SYT14: variants seen among roughly 807,000 people sequenced by gnomAD.
SYT14 encodes the protein synaptotagmin 14, also known as synaptotagmin-14.
A neutral mutation model predicts 74.2 loss-of-function variants in SYT14; 32 were observed. The ratio of observed to expected loss-of-function variants is 0.43; its 90% CI spans 0.33 to 0.58. SYT14 has a LOEUF of 0.58. Among genes scored for constraint, SYT14 ranks in the 20% least tolerant of loss-of-function variants. The pLI, the probability that SYT14 is intolerant of heterozygous loss-of-function variation, is 0.05. For synonymous variants in SYT14, 298 were observed against 337.7 expected (o/e 0.88, Z 1.29); for missense variants, 791 against 981.8 (o/e 0.81, Z 2.60).
intron 5 of SYT14, among the ~76,000 whole-genome samples, chr1:210,076,446 C>T (rs1237660279): frequency 6.6e-6 from 1 of 152,158 alleles, no homozygotes; most frequent in Non-Finnish European, 1.5e-5. Flanking sequence ...CCAGCACCAG[C>T]ATCTAAGTAA....
At chr1:210,157,472 GC>G (rs1454203318) in intron 8 of SYT14, among the ~76,000 whole-genome samples, 1 of 148,526 alleles carries the variant, frequency 6.7e-6, no homozygotes, top group African/African-American at 2.5e-5. Flanking sequence ...AGGTGCAGTG[GC>G]TCACAAGGGC....
intron 2 of SYT14, among the ~76,000 whole-genome samples, chr1:209,957,336 G>A (rs1054699637): frequency 8.5e-5 from 13 of 152,146 alleles, no homozygotes; most frequent in Non-Finnish European, 1.5e-4. Context: ...TTATGATTTG[G>A]TAAGTTTTCT....
rs189388627 is a variant in SYT14 at position 210,138,847 on chromosome 1, A to G, written c.2035-16874A>G. 1.4e-3 allele frequency among the ~76,000 whole-genome samples: 220 copies of G among 152,304 alleles called. 4 individuals carry two copies. The highest frequency in any genetic ancestry group is 4.9e-4 in the Non-Finnish European group (33 of 68,028). Reference sequence around the variant, plus strand: ...ATTAATATTCTGACATTGCAAGACAAGGTAATTCACAACTTATCAGCTCTT... The same window carrying G: ...ATTAATATTCTGACATTGCAAGACAGGGTAATTCACAACTTATCAGCTCTT... On this transcript the variant is annotated intron_variant, in intron 7 of 9. Transcript: ENST00000637265.
chr1:210,044,925 T>A (rs1041822481), intron 5 of SYT14, among the ~76,000 whole-genome samples: 1 of 150,444 alleles, frequency 6.6e-6, no homozygotes, highest in Non-Finnish European at 1.5e-5. Context: ...CAGACTTTTA[T>A]TACCAAGGGG....
At chr1:210,115,082 TACG>T (rs1363561902) in intron 7 of SYT14, among the ~76,000 whole-genome samples, 14 of 151,414 alleles carry the variant, frequency 9.2e-5, no homozygotes, top group African/African-American at 3.4e-4. Context: ...TTGCCCATTT[TACG>T]ACAAGAATTA....
chr1:210,100,946 T>A (rs907449824), intron 7 of SYT14, among the ~76,000 whole-genome samples: 1 of 152,186 alleles, frequency 6.6e-6, no homozygotes, highest in Non-Finnish European at 1.5e-5. Flanking sequence ...TGAAATTATT[T>A]TAAAATTTCA....
At chr1:210,099,819 T>G (rs1314820224) in intron 6 of SYT14, among the ~76,000 whole-genome samples, 193 bp from the exon 6 acceptor site, 1 of 152,222 alleles carries the variant, frequency 6.6e-6, no homozygotes. Context: ...AAGTTTTGAA[T>G]TTAACTTACT....
intron 7 of SYT14, among the ~76,000 whole-genome samples, chr1:210,109,573 T>A: frequency 2.2e-5 from 2 of 89,774 alleles, no homozygotes; most frequent in Admixed American, 1.5e-4. Flanking sequence ...CAAGACTCTG[T>A]CTCAAAAAAA....
At chr1:210,005,663 A>C (rs1363069663) in intron 2 of SYT14, among the ~76,000 whole-genome samples, 1 of 151,914 alleles carries the variant, frequency 6.6e-6, no homozygotes, top group Non-Finnish European at 1.5e-5. Flanking sequence ...CCAGGAAAAT[A>C]AGTTTTTCTT....
rs142853530 is a variant in SYT14 at position 210,100,352 on chromosome 1, G to A, written c.1925G>A (p.Arg642His). 1.7e-4 allele frequency: 280 copies of A among 1,613,830 alleles called. No individual in the cohort carries two copies. The African/African-American group carries it at 3.1e-3, about 18-fold the overall frequency. Residue 642 changes from arginine (R) to histidine (H), a missense_variant, in exon 7 of 10, where the codon CGC (arginine) becomes CAC (histidine). Arg to His is a conservative substitution (Grantham distance 29). Transcript: ENST00000637265. ...CGGTTTAGACTGTATGGTGTACATC[G>A]CATGAAAAAAGAAAAGATTGTGGGG...
chr1:210,087,346 T>C (rs773970917), intron 5 of SYT14, among the ~76,000 whole-genome samples: 6 of 152,204 alleles, frequency 3.9e-5, no homozygotes, highest in Non-Finnish European at 7.3e-5. Context: ...TACCCCTGTG[T>C]GTGGCACCCT....
intron 2 of SYT14, among the ~76,000 whole-genome samples, chr1:209,962,960 A>G (rs573081158): frequency 3.2e-4 from 48 of 152,276 alleles, no homozygotes; most frequent in Non-Finnish European, 5.9e-4. Context: ...TAAGGTGTTT[A>G]CAGAATGATG....
At chr1:209,968,488 CATCATATGGAGTAGTTTCATCAT>C (rs2079191755) in intron 2 of SYT14, among the ~76,000 whole-genome samples, 1 of 151,266 alleles carries the variant, frequency 6.6e-6, no homozygotes, top group Non-Finnish European at 1.5e-5. Flanking sequence ...GGAGTAGTTT[CATCATATGGAGTAGTTTCATCAT>C]ATCATATGGA....
chr1:210,101,918 G>A (rs1164410184), intron 7 of SYT14, among the ~76,000 whole-genome samples: 1 of 147,884 alleles, frequency 6.8e-6, no homozygotes, highest in African/African-American at 2.4e-5. Context: ...TTCACAAAGA[G>A]AATGAAGCCA....
chr1:210,091,927 T>C (rs1353355324), intron 5 of SYT14, among the ~76,000 whole-genome samples: 2 of 152,164 alleles, frequency 1.3e-5, no homozygotes, highest in Non-Finnish European at 2.9e-5. Context: ...CTAGGAAAGA[T>C]CACCACTCTT....
chr1:209,947,706 A>G (rs952793292), intron 1 of SYT14, among the ~76,000 whole-genome samples: 1 of 152,252 alleles, frequency 6.6e-6, no homozygotes, highest in Non-Finnish European at 1.5e-5. Context: ...AAGAAACTGT[A>G]GGGTTTGAGA....
At chr1:210,058,480 A>G (rs1164473751) in intron 5 of SYT14, among the ~76,000 whole-genome samples, 1 of 152,206 alleles carries the variant, frequency 6.6e-6, no homozygotes, top group Non-Finnish European at 1.5e-5. Context: ...TTATAGGGCT[A>G]ATCAGGCAAC....
At chr1:210,089,325 T>C (rs1336639631) in intron 5 of SYT14, among the ~76,000 whole-genome samples, 3 of 152,210 alleles carry the variant, frequency 2.0e-5, no homozygotes, top group Non-Finnish European at 4.4e-5. Flanking sequence ...TTGTGAATAG[T>C]GCTGCAGTAA....
intron 5 of SYT14, among the ~76,000 whole-genome samples, chr1:210,081,790 CAG>C (rs1429550914): frequency 3.9e-5 from 6 of 152,182 alleles, no homozygotes; most frequent in Admixed American, 3.3e-4. Context: ...CTTCACAAAA[CAG>C]AATAAACAAT....
Sources: allele counts gnomAD v4.1 joint callset (sites outside exome capture counted in the v4.1 genomes callset), GRCh38; gene constraint gnomAD v4.1.1; transcripts MANE v1.5; gene names NCBI Gene and HGNC (gene_info 2026-07-23, HGNC 2026-07-21).